RALGAPA2: variants seen among roughly 807,000 people sequenced by gnomAD.
RALGAPA2 encodes the protein ral GTPase-activating protein subunit alpha-2.
RALGAPA2 carries 139 observed loss-of-function variants against 230.4 expected under a neutral mutation model. The ratio of observed to expected loss-of-function variants is 0.60; its 90% CI spans 0.53 to 0.69. The LOEUF (loss-of-function observed/expected upper bound fraction) is 0.69, where lower values mean the gene tolerates loss of function less well. Among genes scored for constraint, RALGAPA2 ranks in the 30% least tolerant of loss-of-function variants. RALGAPA2 has a pLI of 0.00. For synonymous variants in RALGAPA2, 847 were observed against 837.8 expected (o/e 1.01, Z -0.19); for missense variants, 2,163 against 2,276.0 (o/e 0.95, Z 1.01).
chr20:20,450,770 ACTGATGTTCC>A (rs1283310418), intron 37 of RALGAPA2, among the ~76,000 whole-genome samples: 4 of 152,260 alleles, frequency 2.6e-5, no homozygotes, highest in Non-Finnish European at 5.9e-5. Context: ...CACATCGTGC[ACTGATGTTCC>A]AAACTGCCTT....
At chr20:20,427,841 A>T (rs2060419781) in intron 37 of RALGAPA2, among the ~76,000 whole-genome samples, 1 of 152,132 alleles carries the variant, frequency 6.6e-6, no homozygotes, top group African/African-American at 2.4e-5. Flanking sequence ...TATATCATCA[A>T]GTGCAGAGCA....
In RALGAPA2 at chr20:20,643,547, A is replaced by C. The variant is rs2067111160; in HGVS notation, c.331T>G (p.Ser111Ala). ...GTGTGTAGAAGCTTCTTTAAAGTTG[A>C]GCCTGAAAGTTTAAAATAATGAATT... ...FFRWHYQSIG[S>A]TLKKLLHTGN... is the part of the protein sequence containing the mutation. The change falls in exon 5 of 40, where the codon TCA (serine) becomes GCA (alanine). Residue 111 changes from serine to alanine, a missense_variant and splice_region_variant. Coordinates refer to ENST00000202677, the MANE Select transcript of RALGAPA2 (RefSeq NM_020343.4). The C allele has an allele frequency of 6.8e-7, 1 of 1,469,670 alleles. No homozygotes were observed. Among genetic ancestry groups the C allele is most frequent in the African/African-American group, 1.4e-5 (1 of 70,780 alleles). 91.0% of individuals were successfully genotyped at this position (1,469,670 alleles called of 1,614,324 possible). A position where few individuals can be genotyped will look rare whatever the true frequency, so the allele number is the denominator to read the frequency against.
Position 20,549,521 on chromosome 20 carries a change from T to TG in RALGAPA2, c.3157-2690dup, listed in dbSNP as rs73619884. 1.1e-4 allele frequency among the ~76,000 whole-genome samples: 17 copies of TG among 152,012 alleles called. No individual in the cohort carries two copies. In the East Asian group the frequency reaches 2.7e-3, roughly 24 times the overall value. The stretch of plus-strand genomic sequence containing the variant: ...TGTGTGAAGTCGCCAAAGACAGCAC[T>TG]GGGGGAGGGTAAATGGGGGGGTTAA... On this transcript the variant is annotated intron_variant, in intron 23 of 39. Coordinates refer to ENST00000202677, the MANE Select transcript of RALGAPA2 (RefSeq NM_020343.4).
At chr20:20,681,301 G>C (rs1182721240) in intron 1 of RALGAPA2, among the ~76,000 whole-genome samples, 1 of 152,180 alleles carries the variant, frequency 6.6e-6, no homozygotes. Context: ...ACCAGCTCAA[G>C]TGAACTAGCA....
intron 15 of RALGAPA2, among the ~76,000 whole-genome samples, chr20:20,603,636 C>T (rs1734871940): frequency 1.3e-5 from 2 of 152,294 alleles, no homozygotes; most frequent in South Asian, 4.1e-4. Context: ...CACCTCATTG[C>T]CCCTGCTGAC....
intron 36 of RALGAPA2, among the ~76,000 whole-genome samples, chr20:20,489,326 T>G (rs1443124925): frequency 6.6e-6 from 1 of 152,104 alleles, no homozygotes; most frequent in Admixed American, 6.6e-5. Context: ...GCGTTTCAGT[T>G]CCAAACAGGA....
intron 37 of RALGAPA2, among the ~76,000 whole-genome samples, chr20:20,435,333 G>A (rs1393413686): frequency 5.9e-5 from 9 of 152,190 alleles, no homozygotes; most frequent in Admixed American, 5.9e-4. Context: ...AGAGATGGAG[G>A]GTGTTCACCA....
intron 37 of RALGAPA2, among the ~76,000 whole-genome samples, chr20:20,453,423 G>A (rs1421127338): frequency 6.6e-6 from 1 of 152,116 alleles, no homozygotes; most frequent in Non-Finnish European, 1.5e-5. Context: ...TGCACATCTG[G>A]GTGCTGTGGA....
At chr20:20,688,294 A>T (rs2068776748) in intron 1 of RALGAPA2, among the ~76,000 whole-genome samples, 1 of 152,108 alleles carries the variant, frequency 6.6e-6, no homozygotes, top group Non-Finnish European at 1.5e-5. Flanking sequence ...CAACAAGAGC[A>T]AAACTCCATC....
rs1160821130 is a variant in RALGAPA2, at chr20:20,653,487, T to G, written c.328+43A>C. 3 of 1,065,206 alleles carry G rather than the reference T, an allele frequency of 2.8e-6. No individual in the cohort carries two copies. The Admixed American group carries it at 7.2e-5, about 25-fold the overall frequency. 66.0% of individuals were successfully genotyped at this position (1,065,206 alleles called of 1,614,324 possible). The stretch of plus-strand genomic sequence containing the variant: ...TATAAAACATTACTGAAAATTCAAC[T>G]GGAAGAAATTCATATTACTAAAAAA... On this transcript the variant is annotated intron_variant, in intron 4 of 39. Transcript: ENST00000202677.
At chr20:20,585,288 A>G (rs2065101390) in intron 18 of RALGAPA2, among the ~76,000 whole-genome samples, 1 of 152,204 alleles carries the variant, frequency 6.6e-6, no homozygotes, top group Non-Finnish European at 1.5e-5. Flanking sequence ...TGTGAACACA[A>G]TGCTCTAGGA....
intron 23 of RALGAPA2, among the ~76,000 whole-genome samples, chr20:20,564,456 T>C (rs936742655): frequency 1.3e-5 from 2 of 152,226 alleles, no homozygotes; most frequent in Non-Finnish European, 2.9e-5. Context: ...CACAAGTTGA[T>C]GGTTAGTACA....
intron 1 of RALGAPA2, among the ~76,000 whole-genome samples, chr20:20,708,040 G>T (rs2069678996): frequency 6.6e-6 from 1 of 152,008 alleles, no homozygotes; most frequent in Admixed American, 6.6e-5. Context: ...CAGCTAGTGT[G>T]AACTGATATG....
chr20:20,612,238 A>G lies in RALGAPA2; in HGVS notation c.1689-812T>C, dbSNP rs143374263. Among the ~76,000 whole-genome samples, 1,098 of 152,234 alleles carry G rather than the reference A, an allele frequency of 7.2e-3. 10 individuals carry two copies. Among genetic ancestry groups the G allele is most frequent in the African/African-American group, 0.025 (1,054 of 41,530 alleles). ...GTATCTGCTCACTTTTTCTTTCCCT[A>G]GATTCTATGGGAACACAGAACACAT... On this transcript the variant is annotated intron_variant, in intron 13 of 39. Transcript: ENST00000202677.
intron 37 of RALGAPA2, among the ~76,000 whole-genome samples, chr20:20,458,435 T>TATATATA (rs34485072): frequency 8.9e-5 from 12 of 134,894 alleles, no homozygotes; most frequent in East Asian, 2.5e-4. Context: ...ATATGTATTT[T>TATATATA]TTATATTACA....
intron 37 of RALGAPA2, among the ~76,000 whole-genome samples, chr20:20,468,378 T>C (rs2061466485): frequency 6.6e-6 from 1 of 152,204 alleles, no homozygotes. Flanking sequence ...CGCTCTTCAA[T>C]GCAGCCCCTC....
intron 2 of RALGAPA2, among the ~76,000 whole-genome samples, chr20:20,680,211 T>C (rs948630071): frequency 8.5e-5 from 13 of 152,230 alleles, no homozygotes; most frequent in African/African-American, 2.7e-4. Context: ...CAGAACAGAA[T>C]GTATAATGTG....
chr20:20,402,181 G>A (rs2059856287), intron 38 of RALGAPA2, among the ~76,000 whole-genome samples: 2 of 152,242 alleles, frequency 1.3e-5, no homozygotes, highest in Non-Finnish European at 2.9e-5. Context: ...AAACCAGCCT[G>A]CCTCCATTCC....
intron 36 of RALGAPA2, among the ~76,000 whole-genome samples, chr20:20,483,199 G>A (rs931242964): frequency 2.6e-5 from 4 of 152,156 alleles, no homozygotes; most frequent in Admixed American, 6.5e-5. Flanking sequence ...GTTTTTATAC[G>A]TGGAGAGAAA....
Sources: gnomAD v4.1 joint callset for allele counts (sites outside exome capture counted in the v4.1 genomes callset) on GRCh38, gnomAD v4.1.1 for gene constraint, MANE v1.5 for transcripts, NCBI Gene and HGNC (gene_info 2026-07-23, HGNC 2026-07-21) for gene names.